Variants in DNAH6 observed in about 807,000 individuals in gnomAD.
DNAH6 encodes axonemal beta dynein heavy chain 6.
In DNAH6, 340 loss-of-function variants were observed where a neutral mutation model predicts 491.4. That is an observed-to-expected ratio of 0.69 (90% CI 0.63 to 0.76). The LOEUF is 0.76. Among genes scored for constraint, DNAH6 ranks in the 30% least tolerant of loss-of-function variants. The pLI is 0.00. For missense variants in DNAH6, 4,443 were observed against 4,972.2 expected (o/e 0.89, Z 3.20); for synonymous variants, 1,603 against 1,686.1 (o/e 0.95, Z 1.21).
Position 84,541,098 on chromosome 2 carries a change from C to T in DNAH6, c.663-3135C>T, listed in dbSNP as rs572343051. Among the ~76,000 whole-genome samples the T allele has an allele frequency of 3.9e-5, 6 of 152,290 alleles. No homozygotes were observed. In the East Asian group the frequency reaches 9.6e-4, roughly 24 times the overall value. On this transcript the variant is annotated intron_variant, in intron 4 of 76. Coordinates refer to ENST00000389394, the MANE Select transcript of DNAH6 (RefSeq NM_001370.2). Reference sequence around the variant, plus strand: ...TTAGTGGAACAAACATCCAAAACCACTCTCTAGGAGGCAGCTGAAGTTTGA... The same window carrying T: ...TTAGTGGAACAAACATCCAAAACCATTCTCTAGGAGGCAGCTGAAGTTTGA...
At chr2:84,465,030 C>T in the DNAH6 span, among the ~76,000 whole-genome samples, 2 of 152,124 alleles carry the variant, frequency 1.3e-5, no homozygotes, top group African/African-American at 4.8e-5. Flanking sequence ...TCCATATTCT[C>T]TAACTTCTTC....
At position 84,806,492 on chromosome 2, in the gene DNAH6, G is replaced by A. The variant is rs568245108; in HGVS notation, c.11611+698G>A. Reference sequence around the variant, plus strand: ...AAATTAGCCGGGCGTGGTGGCGGTCGCCTGTAGTCCCAGCTACTCTGGAGG... The same window carrying A: ...AAATTAGCCGGGCGTGGTGGCGGTCACCTGTAGTCCCAGCTACTCTGGAGG... On this transcript the variant is annotated intron_variant, in intron 71 of 76. Coordinates refer to ENST00000389394, the MANE Select transcript of DNAH6 (RefSeq NM_001370.2). Among the ~76,000 whole-genome samples, 189 of 151,930 alleles carry A rather than the reference G, an allele frequency of 1.2e-3. 2 individuals carry two copies. The highest frequency in any genetic ancestry group is 4.4e-3 in the African/African-American group (182 of 41,464).
At chr2:84,713,482 C>T (rs1697245061) in intron 57 of DNAH6, among the ~76,000 whole-genome samples, 1 of 152,222 alleles carries the variant, frequency 6.6e-6, no homozygotes, top group Non-Finnish European at 1.5e-5. Context: ...GGTTGCAAGC[C>T]CCTACCCACT....
the DNAH6 span, among the ~76,000 whole-genome samples, chr2:84,470,443 G>C: frequency 6.6e-6 from 1 of 152,218 alleles, no homozygotes; most frequent in Non-Finnish European, 1.5e-5. Context: ...ATTTCTTGAT[G>C]ATATGCTCAT....
intron 49 of DNAH6, among the ~76,000 whole-genome samples, chr2:84,703,085 A>C (rs28641716): frequency 0.066 from 10,092 of 152,156 alleles, 1,088 homozygotes; most frequent in African/African-American, 0.23. Flanking sequence ...CACTCATTCA[A>C]CATGCTACCA....
chr2:84,462,658 C>G, the DNAH6 span, among the ~76,000 whole-genome samples: 1 of 152,196 alleles, frequency 6.6e-6, no homozygotes, highest in East Asian at 1.9e-4. Flanking sequence ...GGTATTAAAT[C>G]TCAGGATAAA....
At position 84,641,968 on chromosome 2, in the gene DNAH6, A is replaced by G. The variant is rs1689453899; in HGVS notation, c.4992A>G (p.Pro1664=). The part of the protein sequence containing the change: ...VMAGSLKREN[P]DLNEDVVLIR... ...TTAGATCTTTAAAAAGAGAAAACCC[A>G]GACCTAAATGAAGATGTGGTGTTGA... Residue 1664 remains proline, a synonymous_variant, in exon 33 of 77, where the codon CCA becomes CCG. Transcript: ENST00000389394. The G allele has an allele frequency of 6.4e-7, 1 of 1,550,520 alleles. No individual in the cohort carries two copies. The highest frequency in any genetic ancestry group is 8.7e-7 in the Non-Finnish European group (1 of 1,146,488).
intron 16 of DNAH6, among the ~76,000 whole-genome samples, chr2:84,593,170 C>T (rs1488518021): frequency 6.6e-6 from 1 of 152,132 alleles, no homozygotes; most frequent in Non-Finnish European, 1.5e-5. Context: ...ACTGTGTCTT[C>T]CTCCTTCCAT....
At position 84,707,378 on chromosome 2, in the gene DNAH6, T is replaced by C; in HGVS notation, c.8852-142T>C. 14 of 852,970 alleles carry C rather than the reference T, an allele frequency of 1.6e-5. No homozygotes were observed. In the South Asian group the frequency reaches 3.0e-4, roughly 18 times the overall value. The allele number at this position is 852,970 out of a possible 1,614,324, so 52.8% of individuals were successfully genotyped here. A position where few individuals can be genotyped will look rare whatever the true frequency, so the allele number is the denominator to read the frequency against. ...TTCTGAAATGGGAATTAATGCTGAA[T>C]TGGTGTAAGGTTTCATAGAGATGTA... On this transcript the variant is annotated intron_variant, in intron 53 of 76. Coordinates refer to ENST00000389394, the MANE Select transcript of DNAH6 (RefSeq NM_001370.2).
chr2:84,715,464 A>C lies in DNAH6; in HGVS notation c.9544-96A>C, dbSNP rs985223625. ...GTGTGTGCAATTAGACCTGAGATAC[A>C]TCCGCCTGGGTAGTAATGAGCTGTG... On this transcript the variant is annotated intron_variant, in intron 57 of 76. Transcript: ENST00000389394. 30 of 1,170,478 alleles carry C rather than the reference A, an allele frequency of 2.6e-5. No homozygotes were observed. In the Admixed American group the frequency reaches 4.2e-4, roughly 16 times the overall value. 72.5% of individuals were successfully genotyped at this position (1,170,478 alleles called of 1,614,324 possible).
chr2:84,538,371 A>G lies in DNAH6; in HGVS notation c.663-5862A>G, dbSNP rs1159382. On this transcript the variant is annotated intron_variant, in intron 4 of 76. Coordinates refer to ENST00000389394, the MANE Select transcript of DNAH6 (RefSeq NM_001370.2). Reference sequence around the variant, plus strand: ...ATTGTTTTGTGATTTGCAGTAGGAAATTCAGAATAATGTCTGATGCTCCCA... The same window carrying G: ...ATTGTTTTGTGATTTGCAGTAGGAAGTTCAGAATAATGTCTGATGCTCCCA... Among the ~76,000 whole-genome samples the G allele has an allele frequency of 9.0e-3, 1,372 of 152,284 alleles. 19 individuals carry two copies. Among genetic ancestry groups the G allele is most frequent in the Middle Eastern group, 0.048 (14 of 294 alleles).
chr2:84,575,226 T>C (rs1682304359), intron 12 of DNAH6, among the ~76,000 whole-genome samples: 1 of 152,182 alleles, frequency 6.6e-6, no homozygotes, highest in Non-Finnish European at 1.5e-5. Context: ...TAGCACATAT[T>C]GTAGATCCTT....
At chr2:84,801,470 CATTAGAGAAAAGGGCTAT>C (rs1202768877) in intron 70 of DNAH6, among the ~76,000 whole-genome samples, 3 of 152,006 alleles carry the variant, frequency 2.0e-5, no homozygotes, top group African/African-American at 4.8e-5. Context: ...AATCTTAAGG[CATTAGAGAAAAGGGCTAT>C]ATTACCTATA....
intron 41 of DNAH6, among the ~76,000 whole-genome samples, chr2:84,679,670 T>G (rs1261711460): frequency 6.6e-6 from 1 of 152,258 alleles, no homozygotes; most frequent in Non-Finnish European, 1.5e-5. Flanking sequence ...AGTAGAATAC[T>G]AGGCTGTGGT....
intron 69 of DNAH6, 106 bp from the exon 70 acceptor site, chr2:84,797,431 C>A (rs1476823994): frequency 6.6e-6 from 7 of 1,058,890 alleles, no homozygotes; most frequent in South Asian, 3.7e-5. Context: ...TCTACATGAG[C>A]CAGCTGATTG....
rs777071482 is a variant in DNAH6, at chr2:84,688,442, G to A, written c.7141G>A (p.Gly2381Arg). The change falls in exon 45 of 77, where the codon GGA becomes AGA. Residue 2381 changes from glycine (G) to arginine (R), a missense_variant. Gly to Arg is a moderately radical substitution (Grantham distance 125). Coordinates refer to ENST00000389394, the MANE Select transcript of DNAH6 (RefSeq NM_001370.2). ...GTTCTTCTCCCATAAATTATAGTTT[G>A]GAGCAGATAAAGCTGATCGGATTTA... is the stretch of plus-strand genomic sequence containing the variant. Reference protein sequence around the residue: ...PIIFGDFIKFGADKADRIYDD... With the variant: ...PIIFGDFIKFRADKADRIYDD... 6.7e-7 allele frequency: 1 copy of A among 1,501,022 alleles called. No homozygotes were observed. The highest frequency in any genetic ancestry group is 8.8e-7 in the Non-Finnish European group (1 of 1,132,422). 93.0% of individuals were successfully genotyped at this position (1,501,022 alleles called of 1,614,324 possible).
At chr2:84,811,065 C>G (rs994377429) in intron 72 of DNAH6, among the ~76,000 whole-genome samples, 2 of 152,208 alleles carry the variant, frequency 1.3e-5, no homozygotes, top group Admixed American at 6.5e-5. Flanking sequence ...TTCCTGCACT[C>G]TGCTGCAGAT....
At chr2:84,675,296 T>G (rs1338964271) in intron 40 of DNAH6, among the ~76,000 whole-genome samples, 2 of 152,168 alleles carry the variant, frequency 1.3e-5, no homozygotes, top group Admixed American at 1.3e-4. Context: ...CTGCTAAGCT[T>G]AATACCTTGT....
chr2:84,713,244 C>G lies in DNAH6; in HGVS notation c.9528C>G (p.Pro3176=), dbSNP rs1224454104. 1 of 1,552,120 alleles carries G rather than the reference C, an allele frequency of 6.4e-7. No individual in the cohort carries two copies. The highest frequency in any genetic ancestry group is 2.0e-5 in the Admixed American group (1 of 50,984). ...RFYMTTKMPN[P]HYLPEVCIKV... ...ATATGACAACCAAAATGCCAAATCC[C>G]CACTATCTGCCTGAGGTATGAACTA... The change falls in exon 57 of 77, where the codon CCC becomes CCG. Residue 3176 remains proline (P), a synonymous_variant. Transcript: ENST00000389394.
Sources: allele counts gnomAD v4.1 joint callset (sites outside exome capture counted in the v4.1 genomes callset), GRCh38; gene constraint gnomAD v4.1.1; transcripts MANE v1.5; gene names NCBI Gene and HGNC (gene_info 2026-07-23, HGNC 2026-07-21).